Variants in MYLIP observed in about 807,000 individuals in gnomAD.
MYLIP encodes E3 ubiquitin-protein ligase MYLIP.
Under a neutral mutation model 45.8 loss-of-function variants are expected in MYLIP, and 26 were observed. The ratio of observed to expected loss-of-function variants is 0.57; its 90% CI spans 0.42 to 0.79. The LOEUF is 0.79. Ranked by LOEUF, MYLIP falls within the 30% of genes least tolerant of loss-of-function variation. The probability of loss-of-function intolerance (pLI) is 0.00; values close to 1 mark genes in which losing one functional copy is unlikely to be tolerated. For synonymous variants in MYLIP, 213 were observed against 218.1 expected, an observed-to-expected ratio of 0.98 and a Z score of 0.21; for missense variants, 494 against 555.6, an observed-to-expected ratio of 0.89 and a Z score of 1.11.
At chr6:16,146,578 C>G in intron 6 of MYLIP, 84 bp from the exon 7 acceptor site, 1 of 1,026,172 alleles carries the variant, frequency 9.7e-7, no homozygotes, top group Non-Finnish European at 1.5e-6. Flanking sequence ...ATTAAATGCA[C>G]TAGAGACCAG....
At chr6:16,159,360 C>T in the MYLIP span, among the ~76,000 whole-genome samples, 1 of 152,156 alleles carries the variant, frequency 6.6e-6, no homozygotes, top group Admixed American at 6.5e-5. Flanking sequence ...AAGAAAGCAA[C>T]TCGAGTTAGA....
At chr6:16,130,193 A>G (rs1429437538) in intron 1 of MYLIP, among the ~76,000 whole-genome samples, 2 of 152,224 alleles carry the variant, frequency 1.3e-5, no homozygotes, top group African/African-American at 2.4e-5. Flanking sequence ...TGCCCAGATA[A>G]TAAGTCGCCA....
chr6:16,137,855 A>C (rs1412437893), intron 2 of MYLIP, among the ~76,000 whole-genome samples: 1 of 150,938 alleles, frequency 6.6e-6, no homozygotes, highest in Non-Finnish European at 1.5e-5. Context: ...TTTTAAAATT[A>C]AAATTTGGCA....
At chr6:16,132,141 T>G (rs1482461716) in intron 2 of MYLIP, among the ~76,000 whole-genome samples, 2 of 152,208 alleles carry the variant, frequency 1.3e-5, no homozygotes, top group Non-Finnish European at 2.9e-5. Flanking sequence ...GCAACCCAGT[T>G]TTGATGGCAC....
chr6:16,129,840 T>C lies in MYLIP; in HGVS notation c.87+431T>C, dbSNP rs999387194. Among the ~76,000 whole-genome samples the C allele has an allele frequency of 2.0e-4, 30 of 151,664 alleles. No individual in the cohort carries two copies. The highest frequency in any genetic ancestry group is 6.5e-4 in the African/African-American group (27 of 41,378). On this transcript the variant is annotated intron_variant, in intron 1 of 6. Coordinates refer to ENST00000356840, the MANE Select transcript of MYLIP (RefSeq NM_013262.4). The surrounding 1 kb of genome is among the most constrained non-coding windows in gnomAD (Gnocchi z 5.1). The stretch of plus-strand genomic sequence containing the variant: ...TCGAAGCAGTCTCGGGCCCCAGGGG[T>C]TCTTGGCAGACAAGCCGGGCCCTTG...
At chr6:16,161,621 G>A in the MYLIP span, among the ~76,000 whole-genome samples, 2 of 152,126 alleles carry the variant, frequency 1.3e-5, no homozygotes, top group African/African-American at 2.4e-5. Context: ...TTTGGCAGTC[G>A]ATATTACTAA....
chr6:16,150,290 G>T (rs1220369465), downstream of MYLIP, among the ~76,000 whole-genome samples: 1 of 152,166 alleles, frequency 6.6e-6, no homozygotes, highest in African/African-American at 2.4e-5. Flanking sequence ...AAGGAGGGGA[G>T]TATCAAGAAA....
At chr6:16,155,762 G>A in the MYLIP span, among the ~76,000 whole-genome samples, 2 of 152,206 alleles carry the variant, frequency 1.3e-5, no homozygotes, top group Non-Finnish European at 2.9e-5. Context: ...AACTTTGTGT[G>A]GGCCCCGTGG....
chr6:16,148,764 T>C (rs1759844464), downstream of MYLIP, among the ~76,000 whole-genome samples: 2 of 152,192 alleles, frequency 1.3e-5, no homozygotes, highest in African/African-American at 2.4e-5. Flanking sequence ...TCGGGCTGTA[T>C]TCCTGCAGGA....
At chr6:16,152,438 C>A (rs1428080608), downstream of MYLIP, among the ~76,000 whole-genome samples, 1 of 152,188 alleles carries the variant, frequency 6.6e-6, no homozygotes, top group Non-Finnish European at 1.5e-5. Flanking sequence ...CTTCAAGGGT[C>A]ACAATGCGGG....
At chr6:16,140,893 G>C (rs1464197485) in intron 2 of MYLIP, among the ~76,000 whole-genome samples, 1 of 152,234 alleles carries the variant, frequency 6.6e-6, no homozygotes, top group Non-Finnish European at 1.5e-5. Context: ...TGCCTGCATG[G>C]AGTCTGGAGG....
At chr6:16,136,780 A>T (rs1049843599) in intron 2 of MYLIP, among the ~76,000 whole-genome samples, 5 of 152,090 alleles carry the variant, frequency 3.3e-5, no homozygotes, top group Admixed American at 2.6e-4. Context: ...TTGTGGTTTT[A>T]ATTTGCATTT....
At position 16,129,310 on chromosome 6, in the gene MYLIP, G is replaced by C; in HGVS notation, c.-13G>C. Reference sequence around the variant, plus strand: ...AAGAGAAGGCGGCTGTGGCGGCAGCGGCAGCCCCAGCCATGCTGTGTTATG... The same window carrying C: ...AAGAGAAGGCGGCTGTGGCGGCAGCCGCAGCCCCAGCCATGCTGTGTTATG... On this transcript the variant is annotated 5_prime_UTR_variant, in exon 1 of 7. Coordinates refer to ENST00000356840, the MANE Select transcript of MYLIP (RefSeq NM_013262.4). The surrounding 1 kb of genome is among the most constrained non-coding windows in gnomAD (Gnocchi z 5.1). 1 of 1,556,630 alleles carries C rather than the reference G, an allele frequency of 6.4e-7. No homozygotes were observed. Among genetic ancestry groups the C allele is most frequent in the East Asian group, 2.4e-5 (1 of 41,150 alleles).
chr6:16,155,315 A>G, the MYLIP span, among the ~76,000 whole-genome samples: 3 of 152,224 alleles, frequency 2.0e-5, no homozygotes, highest in Admixed American at 2.0e-4. Flanking sequence ...AAAGATTCTC[A>G]TTATACAGGA....
rs764810675 is a variant in MYLIP at position 16,141,684 on chromosome 6, C to T, written c.338C>T (p.Pro113Leu). The T allele has an allele frequency of 6.2e-7, 1 of 1,614,118 alleles. No individual in the cohort carries two copies. Among genetic ancestry groups the T allele is most frequent in the East Asian group, 2.2e-5 (1 of 44,880 alleles). Residue 113 changes from proline (P) to leucine (L), a missense_variant, in exon 3 of 7, where the codon CCA becomes CTA. Physicochemically the swap from Pro to Leu is moderately conservative, Grantham distance 98. Coordinates refer to ENST00000356840, the MANE Select transcript of MYLIP (RefSeq NM_013262.4). ...TTGGCAGGCCACCTCTTGTGTTCCC[C>T]AGAGCAGGCAGTGGAACTCAGTGCC... ...ALLAGHLLCSPEQAVELSALL... is the reference protein window; with the variant it reads ...ALLAGHLLCSLEQAVELSALL...
the MYLIP span, among the ~76,000 whole-genome samples, chr6:16,158,768 G>T: frequency 6.6e-6 from 1 of 152,232 alleles, no homozygotes; most frequent in East Asian, 1.9e-4. Context: ...TACTCGGGAG[G>T]CTGAGGCAGG....
chr6:16,143,297 A>G, intron 4 of MYLIP, 80 bp downstream of exon 4: 1 of 1,384,122 alleles, frequency 7.2e-7, no homozygotes, highest in African/African-American at 1.5e-5. Context: ...ATAGGAAGGG[A>G]TTTACTCGAC....
Position 16,141,601 on chromosome 6 carries a change from C to A in MYLIP, c.279-24C>A, listed in dbSNP as rs369548845. On this transcript the variant is annotated intron_variant, in intron 2 of 6. Transcript: ENST00000356840. ...GATGTCAGGTTATCCCCAAGCATAACCTCACTCTCACCTTGCTTTGCAGGC... is the reference window on the plus strand; with the variant it reads ...GATGTCAGGTTATCCCCAAGCATAAACTCACTCTCACCTTGCTTTGCAGGC... 6 of 1,599,358 alleles carry A rather than the reference C, an allele frequency of 3.8e-6. No homozygotes were observed. In the East Asian group the frequency reaches 1.1e-4, roughly 30 times the overall value.
the MYLIP span, among the ~76,000 whole-genome samples, chr6:16,159,743 A>G: frequency 1.3e-5 from 2 of 152,224 alleles, no homozygotes; most frequent in Non-Finnish European, 2.9e-5. Flanking sequence ...GAATGTGGAC[A>G]GAAGACCTGA....
Sources: gnomAD v4.1 joint callset for allele counts (sites outside exome capture counted in the v4.1 genomes callset) on GRCh38, gnomAD v4.1.1 for gene constraint, Gnocchi (gnomAD v3.1) non-coding constraint, MANE v1.5 for transcripts, NCBI Gene and HGNC (gene_info 2026-07-23, HGNC 2026-07-21) for gene names.